The following ARHGEF3 variants were observed in gnomAD, a reference collection of about 807,000 sequenced individuals.
ARHGEF3 encodes Rho guanine nucleotide exchange factor 3.
Under a neutral mutation model 63.2 loss-of-function variants are expected in ARHGEF3, and 28 were observed. The observed-to-expected ratio is 0.44, with a 90% CI of 0.33 to 0.61. The LOEUF (loss-of-function observed/expected upper bound fraction) is 0.61, where lower values mean the gene tolerates loss of function less well. Ranked by LOEUF, ARHGEF3 falls within the 20% of genes least tolerant of loss-of-function variation. ARHGEF3 has a pLI of 0.03. For synonymous variants in ARHGEF3, 266 were observed against 254.2 expected (o/e 1.05, Z -0.44); for missense variants, 533 against 659.3 (o/e 0.81, Z 2.10).
At chr3:56,889,079 T>A (rs1395284451) in intron 3 of ARHGEF3, among the ~76,000 whole-genome samples, 1 of 151,968 alleles carries the variant, frequency 6.6e-6, no homozygotes, top group Non-Finnish European at 1.5e-5. Context: ...GCTTGAGAGA[T>A]CCTGCTAGCT....
At chr3:56,741,496 CTTTTTTTTTTTTTT>C (rs71072191) in intron 7 of ARHGEF3, among the ~76,000 whole-genome samples, 9 of 50,510 alleles carry the variant, frequency 1.8e-4, no homozygotes, top group East Asian at 1.3e-3. Flanking sequence ...TACATTGGTT[CTTTTTTTTTTTTTT>C]TTTTTTTTTT....
chr3:56,954,800 A>G (rs1699968324), intron 3 of ARHGEF3, among the ~76,000 whole-genome samples: 1 of 152,196 alleles, frequency 6.6e-6, no homozygotes, highest in Non-Finnish European at 1.5e-5. Context: ...ATGAGTGTCA[A>G]TAGCCTTTTC....
intron 2 of ARHGEF3, among the ~76,000 whole-genome samples, chr3:56,755,706 T>TA (rs138423935): frequency 0.011 from 1,720 of 152,320 alleles, 60 homozygotes; most frequent in East Asian, 0.1. Context: ...TCACATGAGT[T>TA]ACGGGAGAAA....
intron 2 of ARHGEF3, among the ~76,000 whole-genome samples, chr3:57,034,151 C>T (rs1004337726): frequency 6.6e-6 from 1 of 151,834 alleles, no homozygotes; most frequent in African/African-American, 2.4e-5. Flanking sequence ...AGATGGGAGT[C>T]TTGCTGTGTT....
At chr3:56,869,498 T>C (rs1020410888) in intron 4 of ARHGEF3, among the ~76,000 whole-genome samples, 6 of 152,226 alleles carry the variant, frequency 3.9e-5, no homozygotes, top group Admixed American at 3.3e-4. Context: ...TCTCTGAAGT[T>C]ACCCAAGAAT....
intron 3 of ARHGEF3, among the ~76,000 whole-genome samples, chr3:56,908,565 T>C (rs747603808): frequency 3.9e-5 from 6 of 152,194 alleles, no homozygotes; most frequent in Admixed American, 6.5e-5. Flanking sequence ...TGGCTTCAGA[T>C]ACGAGGGACA....
At chr3:56,856,756 T>C (rs1435161584) in intron 4 of ARHGEF3, among the ~76,000 whole-genome samples, 2 of 150,022 alleles carry the variant, frequency 1.3e-5, no homozygotes, top group African/African-American at 4.9e-5. Context: ...TGGCTGACAC[T>C]TCTGCTGTAA....
At chr3:56,732,549 C>T in intron 8 of ARHGEF3, 125 bp from the exon 9 acceptor site, 1 of 1,112,874 alleles carries the variant, frequency 9.0e-7, no homozygotes, top group Non-Finnish European at 1.3e-6. Context: ...CTCCTAGGTT[C>T]AAATCTACCT....
intron 3 of ARHGEF3, among the ~76,000 whole-genome samples, chr3:56,903,004 T>C (rs943305751): frequency 6.6e-6 from 1 of 152,156 alleles, no homozygotes; most frequent in African/African-American, 2.4e-5. Flanking sequence ...TCCCAGTTTT[T>C]TCCTCCTTCC....
intron 2 of ARHGEF3, among the ~76,000 whole-genome samples, chr3:57,011,117 C>T (rs547813683): frequency 6.6e-6 from 1 of 152,028 alleles, no homozygotes; most frequent in Non-Finnish European, 1.5e-5. Context: ...ATGCAACCGG[C>T]GAGGGAAAAT....
At chr3:56,895,550 G>A (rs1437548976) in intron 3 of ARHGEF3, among the ~76,000 whole-genome samples, 2 of 151,640 alleles carry the variant, frequency 1.3e-5, no homozygotes, top group Admixed American at 6.6e-5. Context: ...TGCAAGCTCC[G>A]CCTCCTGGGT....
chr3:56,957,017 A>C (rs531359952), intron 3 of ARHGEF3, among the ~76,000 whole-genome samples: 2 of 152,330 alleles, frequency 1.3e-5, no homozygotes, highest in African/African-American at 4.8e-5. Flanking sequence ...AGTAGCGAGC[A>C]TATTTAGTTT....
At chr3:56,983,818 C>T (rs1370254669) in intron 2 of ARHGEF3, among the ~76,000 whole-genome samples, 1 of 152,098 alleles carries the variant, frequency 6.6e-6, no homozygotes, top group Non-Finnish European at 1.5e-5. Context: ...CGCCTGTAGT[C>T]CCAGCTACTC....
chr3:56,942,978 G>A (rs929062669), intron 3 of ARHGEF3, among the ~76,000 whole-genome samples: 1 of 152,198 alleles, frequency 6.6e-6, no homozygotes, highest in African/African-American at 2.4e-5. Context: ...AACAGAGGTT[G>A]GTTAGTTCAT....
chr3:57,054,551 T>C (rs942969854), intron 1 of ARHGEF3, among the ~76,000 whole-genome samples: 15 of 151,036 alleles, frequency 9.9e-5, no homozygotes, highest in Non-Finnish European at 1.8e-4. Flanking sequence ...GGTGGGAGGA[T>C]TGCTTGAGCC....
rs372826601 is a variant in ARHGEF3, at chr3:56,914,412, C to T, written c.130-32058G>A. ...GGATAAGCAAAATGTGGTATGTCAC[C>T]GTTTAACAATATTAATTGACAAGAA... On this transcript the variant is annotated intron_variant, in intron 3 of 12. Transcript: ENST00000338458. 4.6e-5 allele frequency among the ~76,000 whole-genome samples: 7 copies of T among 152,214 alleles called. 1 individual carries two copies. The highest frequency in any genetic ancestry group is 1.9e-4 in the East Asian group (1 of 5,192).
chr3:56,751,690 C>A (rs1395025048), intron 4 of ARHGEF3, among the ~76,000 whole-genome samples: 1 of 152,102 alleles, frequency 6.6e-6, no homozygotes, highest in Non-Finnish European at 1.5e-5. Flanking sequence ...ACAGATTTGA[C>A]TGTTAAAATG....
intron 4 of ARHGEF3, among the ~76,000 whole-genome samples, chr3:56,859,282 C>T (rs2039987437): frequency 1.3e-5 from 2 of 151,916 alleles, no homozygotes; most frequent in African/African-American, 2.4e-5. Flanking sequence ...GGACTACAGG[C>T]GCCCACCACC....
chr3:56,886,571 T>C (rs1303137079), intron 3 of ARHGEF3, among the ~76,000 whole-genome samples: 2 of 152,172 alleles, frequency 1.3e-5, no homozygotes, highest in Non-Finnish European at 2.9e-5. Context: ...CATAAACAAA[T>C]GAGCATCTCA....
Sources: allele counts gnomAD v4.1 joint callset (sites outside exome capture counted in the v4.1 genomes callset), GRCh38; gene constraint gnomAD v4.1.1; transcripts MANE v1.5; gene names NCBI Gene and HGNC (gene_info 2026-07-23, HGNC 2026-07-21).